The following EDIL3 variants were observed in gnomAD, a reference collection of about 807,000 sequenced individuals.
The protein encoded by EDIL3 is EGF like and discoidin domains 3, also known as EGF-like repeat and discoidin I-like domain-containing protein 3.
In EDIL3, 37 loss-of-function variants were observed where a neutral mutation model predicts 67.4. The ratio of observed to expected loss-of-function variants is 0.55; its 90% CI spans 0.42 to 0.72. The LOEUF (loss-of-function observed/expected upper bound fraction) is 0.72, where lower values mean the gene tolerates loss of function less well. Ranked by LOEUF, EDIL3 falls within the 30% of genes least tolerant of loss-of-function variation. EDIL3 has a pLI of 0.00. For synonymous variants in EDIL3, 195 were observed against 196.3 expected (o/e 0.99, Z 0.05); for missense variants, 527 against 586.3 (o/e 0.90, Z 1.04).
chr5:84,340,530 CTCTCTATATATATA>C (rs1344621534), intron 1 of EDIL3, among the ~76,000 whole-genome samples: 176 of 69,784 alleles, frequency 2.5e-3, no homozygotes, highest in Middle Eastern at 5.8e-3. Flanking sequence ...CTCTCTCTCT[CTCTCTATATATATA>C]TATATATATA....
chr5:84,305,926 G>GATAGATAA (rs1554041206), intron 1 of EDIL3, among the ~76,000 whole-genome samples: 71 of 150,688 alleles, frequency 4.7e-4, no homozygotes, highest in African/African-American at 1.6e-3. Context: ...TAAATAGATA[G>GATAGATAA]ATAAATAAAT....
intron 1 of EDIL3, among the ~76,000 whole-genome samples, chr5:84,349,035 C>T (rs1304770998): frequency 6.6e-6 from 1 of 152,164 alleles, no homozygotes; most frequent in East Asian, 1.9e-4. Context: ...AATAGCCTGA[C>T]ATTTTAACTA....
intron 3 of EDIL3, among the ~76,000 whole-genome samples, chr5:84,224,975 G>A (rs1041256720): frequency 6.6e-6 from 1 of 151,432 alleles, no homozygotes; most frequent in Non-Finnish European, 1.5e-5. Flanking sequence ...AACTCAGCTT[G>A]AAGAAATTTC....
chr5:84,266,631 G>C (rs926440149), intron 1 of EDIL3, among the ~76,000 whole-genome samples: 1 of 152,144 alleles, frequency 6.6e-6, no homozygotes, highest in African/African-American at 2.4e-5. Flanking sequence ...GGATACCTCT[G>C]ATGCTCTCAG....
Position 84,074,156 on chromosome 5 carries a change from G to A in EDIL3, c.652-7550C>T, listed in dbSNP as rs563834149. Among the ~76,000 whole-genome samples, 309 of 150,972 alleles carry A rather than the reference G, an allele frequency of 2.0e-3. 3 individuals carry two copies. Among genetic ancestry groups the A allele is most frequent in the Admixed American group, 5.8e-3 (88 of 15,132 alleles). On this transcript the variant is annotated intron_variant, in intron 6 of 10. Coordinates refer to ENST00000296591, the MANE Select transcript of EDIL3 (RefSeq NM_005711.5). Reference sequence around the variant, plus strand: ...AACTGGCTAGCCATATGTAGAAAGCGGAAACTGGATCCCTTCCTTACACCT... The same window carrying A: ...AACTGGCTAGCCATATGTAGAAAGCAGAAACTGGATCCCTTCCTTACACCT...
chr5:84,312,329 G>T (rs891515927), intron 1 of EDIL3, among the ~76,000 whole-genome samples: 2 of 146,148 alleles, frequency 1.4e-5, no homozygotes, highest in Non-Finnish European at 3.1e-5. Flanking sequence ...TGGCCGGGTG[G>T]GGGGCTGACC....
chr5:84,141,981 A>ATCTATCTC (rs1748207991), intron 4 of EDIL3, among the ~76,000 whole-genome samples: 1 of 145,936 alleles, frequency 6.9e-6, no homozygotes, highest in Non-Finnish European at 1.5e-5. Flanking sequence ...CTATCTATCT[A>ATCTATCTC]TCTATCTATC....
intron 9 of EDIL3, among the ~76,000 whole-genome samples, chr5:84,043,152 CAAAT>C (rs1436465845): frequency 1.3e-5 from 2 of 152,168 alleles, no homozygotes; most frequent in African/African-American, 2.4e-5. Flanking sequence ...ACTTGAGTGA[CAAAT>C]AAGTATTTGT....
chr5:84,235,569 T>C (rs1217908770), intron 2 of EDIL3, among the ~76,000 whole-genome samples: 2 of 152,042 alleles, frequency 1.3e-5, no homozygotes, highest in East Asian at 3.9e-4. Flanking sequence ...GACAGGGCTG[T>C]AGCATTTTTT....
chr5:84,272,603 A>G (rs1209302866), intron 1 of EDIL3, among the ~76,000 whole-genome samples: 1 of 152,152 alleles, frequency 6.6e-6, no homozygotes, highest in Non-Finnish European at 1.5e-5. Context: ...GCATTTCACA[A>G]GTGAGAAAGT....
chr5:84,062,004 A>G (rs1652531726), intron 8 of EDIL3, among the ~76,000 whole-genome samples: 1 of 152,040 alleles, frequency 6.6e-6, no homozygotes, highest in African/African-American at 2.4e-5. Flanking sequence ...GAGGCTCCCC[A>G]TATTTCCCTT....
chr5:84,264,245 C>CCAAA (rs1251683076), intron 1 of EDIL3, among the ~76,000 whole-genome samples: 1 of 152,100 alleles, frequency 6.6e-6, no homozygotes, highest in African/African-American at 2.4e-5. Flanking sequence ...GACTATGTCT[C>CCAAA]CAAACAAACA....
At chr5:83,990,499 A>G (rs907615447) in intron 9 of EDIL3, among the ~76,000 whole-genome samples, 2 of 151,212 alleles carry the variant, frequency 1.3e-5, no homozygotes, top group African/African-American at 4.9e-5. Context: ...AAAAAAAAAA[A>G]AGAAAGAAAA....
intron 6 of EDIL3, among the ~76,000 whole-genome samples, chr5:84,095,642 T>C (rs111948099): frequency 4.6e-5 from 7 of 152,316 alleles, no homozygotes; most frequent in African/African-American, 1.4e-4. Flanking sequence ...AAGAGCTGTA[T>C]TGGGTGCTGT....
At chr5:84,024,895 G>A (rs1021429289) in intron 9 of EDIL3, among the ~76,000 whole-genome samples, 1 of 151,662 alleles carries the variant, frequency 6.6e-6, no homozygotes, top group South Asian at 2.1e-4. Context: ...AAAATTTGGG[G>A]CATTAAGAGC....
intron 10 of EDIL3, among the ~76,000 whole-genome samples, chr5:83,943,959 C>G (rs1169485389): frequency 6.6e-6 from 1 of 152,058 alleles, no homozygotes; most frequent in African/African-American, 2.4e-5. Flanking sequence ...CAGCTATCAT[C>G]TGGAGCAGGC....
At chr5:84,305,338 T>C (rs1302300248) in intron 1 of EDIL3, among the ~76,000 whole-genome samples, 1 of 152,238 alleles carries the variant, frequency 6.6e-6, no homozygotes, top group Non-Finnish European at 1.5e-5. Flanking sequence ...ACTGTGCAAC[T>C]AGTTTCTGGA....
intron 1 of EDIL3, among the ~76,000 whole-genome samples, chr5:84,293,243 A>G (rs1423514566): frequency 6.6e-6 from 1 of 152,202 alleles, no homozygotes; most frequent in East Asian, 1.9e-4. Context: ...AAAGCCGTTG[A>G]TATATTTCTT....
intron 3 of EDIL3, among the ~76,000 whole-genome samples, chr5:84,186,983 T>A (rs1743469043): frequency 6.6e-6 from 1 of 152,056 alleles, no homozygotes; most frequent in Non-Finnish European, 1.5e-5. Flanking sequence ...TTAGTATTCA[T>A]AAAATTCGAA....
Sources: allele counts gnomAD v4.1 joint callset (sites outside exome capture counted in the v4.1 genomes callset), GRCh38; gene constraint gnomAD v4.1.1; transcripts MANE v1.5; gene names NCBI Gene and HGNC (gene_info 2026-07-23, HGNC 2026-07-21).